The following PDS5B variants were observed in gnomAD, a reference collection of about 807,000 sequenced individuals.
The protein encoded by PDS5B is sister chromatid cohesion protein PDS5 homolog B.
PDS5B carries 51 observed loss-of-function variants against 184.1 expected under a neutral mutation model. The observed-to-expected ratio is 0.28, with a 90% CI of 0.22 to 0.35. The LOEUF is 0.35. Ranked by LOEUF, PDS5B falls within the 10% of genes least tolerant of loss-of-function variation. The pLI, the probability that PDS5B is intolerant of heterozygous loss-of-function variation, is 1.00. For missense variants in PDS5B, 1,180 were observed against 1,723.3 expected (o/e 0.68, Z 5.58); for synonymous variants, 566 against 569.2 (o/e 0.99, Z 0.08).
chr13:32,687,061 A>G lies in PDS5B; in HGVS notation c.1204-73A>G, dbSNP rs1237010826. ...ATAAAGGGAAGGAAAACACAAAACT[A>G]GGAAACTAGACTTTCCTTAATTTAT... On this transcript the variant is annotated intron_variant, in intron 11 of 34. Transcript: ENST00000315596. The G allele has an allele frequency of 1.4e-5, 17 of 1,193,294 alleles. No homozygotes were observed. In the East Asian group the frequency reaches 3.3e-4, roughly 23 times the overall value. 73.9% of individuals were successfully genotyped at this position (1,193,294 alleles called of 1,614,324 possible).
At chr13:32,588,815 A>G (rs763950059) in intron 1 of PDS5B, among the ~76,000 whole-genome samples, 18 of 152,268 alleles carry the variant, frequency 1.2e-4, no homozygotes, top group Non-Finnish European at 1.9e-4. Context: ...TTAACGAAGT[A>G]ACATTTTGAG....
intron 19 of PDS5B, among the ~76,000 whole-genome samples, chr13:32,722,898 A>T (rs186061665): frequency 1.3e-4 from 20 of 152,334 alleles, no homozygotes; most frequent in Middle Eastern, 3.4e-3. Context: ...AAGAAGCTCT[A>T]GTGTCTTGCA....
At chr13:32,638,096 A>T (rs1264018710) in intron 1 of PDS5B, among the ~76,000 whole-genome samples, 2 of 152,154 alleles carry the variant, frequency 1.3e-5, no homozygotes, top group Non-Finnish European at 2.9e-5. Flanking sequence ...CATGGCTGGG[A>T]CAATGTGCCT....
chr13:32,649,126 A>G (rs1950301315), intron 2 of PDS5B: 1 of 380,340 alleles, frequency 2.6e-6, no homozygotes, highest in Non-Finnish European at 4.8e-6. Flanking sequence ...GGTATAAAGA[A>G]CAAGTCTACA....
rs3050179 is a variant in PDS5B, at chr13:32,741,699, CTGTGTGTGTGTGTGTGTG to C, written c.2475+577_2475+594del. Among the ~76,000 whole-genome samples the C allele has an allele frequency of 1.6e-3, 219 of 139,272 alleles. 1 individual carries two copies. Among genetic ancestry groups the C allele is most frequent in the African/African-American group, 5.3e-3 (199 of 37,494 alleles). The allele number at this position is 139,272 out of a possible 152,430, so 91.4% of individuals were successfully genotyped here. On this transcript the variant is annotated intron_variant, in intron 22 of 34. Transcript: ENST00000315596. ...GTAATTTCTTATAAACCCTTTCAGT[CTGTGTGTGTGTGTGTGTG>C]TGTGTGTGTGTGTGTGTGTGTGTGT...
chr13:32,710,231 A>G (rs1162587331), intron 19 of PDS5B, 125 bp downstream of exon 19: 4 of 603,662 alleles, frequency 6.6e-6, no homozygotes, highest in Non-Finnish European at 1.0e-5. Flanking sequence ...TAAGTCTGTA[A>G]TGTTCAGTTT....
intron 1 of PDS5B, among the ~76,000 whole-genome samples, chr13:32,618,201 A>T (rs1297805489): frequency 6.6e-6 from 1 of 152,242 alleles, no homozygotes; most frequent in Non-Finnish European, 1.5e-5. Context: ...AAGTTTCAAC[A>T]CAAGAATTTT....
At chr13:32,754,645 C>T (rs905008668) in intron 25 of PDS5B, among the ~76,000 whole-genome samples, 24 of 152,058 alleles carry the variant, frequency 1.6e-4, no homozygotes, top group Non-Finnish European at 3.4e-4. Flanking sequence ...CCACTTCTGC[C>T]GTTTACCTGT....
intron 11 of PDS5B, among the ~76,000 whole-genome samples, chr13:32,686,144 C>T (rs972809498): frequency 6.6e-6 from 1 of 152,130 alleles, no homozygotes; most frequent in Non-Finnish European, 1.5e-5. Context: ...ATGTTTTCAA[C>T]ATTACCAGCT....
intron 1 of PDS5B, among the ~76,000 whole-genome samples, chr13:32,622,327 G>GT: frequency 6.6e-6 from 1 of 151,784 alleles, no homozygotes; most frequent in East Asian, 1.9e-4. Context: ...TTATTTGAGT[G>GT]TTTTTACATT....
At chr13:32,683,098 C>T (rs376523848) in intron 10 of PDS5B, among the ~76,000 whole-genome samples, 4 of 152,154 alleles carry the variant, frequency 2.6e-5, no homozygotes, top group African/African-American at 9.6e-5. Context: ...CAGCAACCTC[C>T]ACCTCCTGGG....
chr13:32,615,950 C>T (rs2058211657), intron 1 of PDS5B, among the ~76,000 whole-genome samples: 1 of 152,004 alleles, frequency 6.6e-6, no homozygotes, highest in Admixed American at 6.6e-5. Context: ...TAAATTCTTG[C>T]CTAAAGTCAA....
chr13:32,679,282 T>C (rs1333790253), intron 10 of PDS5B, among the ~76,000 whole-genome samples: 1 of 152,110 alleles, frequency 6.6e-6, no homozygotes, highest in Non-Finnish European at 1.5e-5. Context: ...CTAAAATAAG[T>C]TTAGAATTGT....
intron 1 of PDS5B, among the ~76,000 whole-genome samples, chr13:32,597,432 T>C (rs1352140369): frequency 2.0e-5 from 3 of 151,798 alleles, no homozygotes; most frequent in Non-Finnish European, 4.4e-5. Flanking sequence ...GGTGCAGTGG[T>C]ATGGTCCTGT....
Position 32,671,683 on chromosome 13 carries a change from A to G in PDS5B, c.706-1533A>G, listed in dbSNP as rs184755608. ...TAGTCTGGTCTGATTCATAGACCTA[A>G]AAAAGTCACATAAAAACAACCCAAG... is the stretch of plus-strand genomic sequence containing the variant. On this transcript the variant is annotated intron_variant, in intron 7 of 34. Coordinates refer to ENST00000315596, the MANE Select transcript of PDS5B (RefSeq NM_015032.4). 2.4e-4 allele frequency among the ~76,000 whole-genome samples: 37 copies of G among 152,274 alleles called. No individual in the cohort carries two copies. In the East Asian group the frequency reaches 4.4e-3, roughly 18 times the overall value.
intron 19 of PDS5B, among the ~76,000 whole-genome samples, chr13:32,722,349 G>A (rs1363133571): frequency 6.6e-6 from 1 of 152,244 alleles, no homozygotes; most frequent in African/African-American, 2.4e-5. Flanking sequence ...TGGAAAGCGG[G>A]AGATGGAGAC....
Position 32,770,368 on chromosome 13 carries a change from G to T in PDS5B, c.3872G>T (p.Gly1291Val). The T allele has an allele frequency of 6.2e-7, 1 of 1,613,190 alleles. No homozygotes were observed. The highest frequency in any genetic ancestry group is 1.1e-5 in the South Asian group (1 of 90,942). Residue 1291 changes from glycine to valine, a missense_variant, in exon 32 of 35, where the codon GGC (glycine) becomes GTC (valine). Physicochemically the swap from Gly to Val is moderately radical, Grantham distance 109. Transcript: ENST00000315596. ...QNSPPKKGKRGRPPKPLGGGT... is the reference protein window; with the variant it reads ...QNSPPKKGKRVRPPKPLGGGT... ...AGTCCGCCAAAAAAGGGTAAAAGAGGCCGACCACCAAAACCTCTTGGTGGA... is the reference window on the plus strand; with the variant it reads ...AGTCCGCCAAAAAAGGGTAAAAGAGTCCGACCACCAAAACCTCTTGGTGGA...
chr13:32,634,321 A>G (rs550513480), intron 1 of PDS5B, among the ~76,000 whole-genome samples: 3 of 152,286 alleles, frequency 2.0e-5, no homozygotes, highest in African/African-American at 4.8e-5. Context: ...ACCTTCACCA[A>G]TATGTGCACA....
At chr13:32,705,702 T>G (rs1593469810) in intron 17 of PDS5B, among the ~76,000 whole-genome samples, 1 of 152,272 alleles carries the variant, frequency 6.6e-6, no homozygotes, top group Admixed American at 6.5e-5. Flanking sequence ...TTTTTAGAGA[T>G]AGGGTCTCAC....
Sources: gnomAD v4.1 joint callset for allele counts (sites outside exome capture counted in the v4.1 genomes callset) on GRCh38, gnomAD v4.1.1 for gene constraint, MANE v1.5 for transcripts, NCBI Gene and HGNC (gene_info 2026-07-23, HGNC 2026-07-21) for gene names.